Variants in DPP10 observed in about 807,000 individuals in gnomAD.
The protein encoded by DPP10 is inactive dipeptidyl peptidase 10.
DPP10 carries 33 observed loss-of-function variants against 120.9 expected under a neutral mutation model. That is an observed-to-expected ratio of 0.27 (90% CI 0.21 to 0.37). DPP10 has a LOEUF of 0.37. Among genes scored for constraint, DPP10 ranks in the 10% least tolerant of loss-of-function variants. The pLI, the probability that DPP10 is intolerant of heterozygous loss-of-function variation, is 1.00. For missense variants in DPP10, 816 were observed against 942.8 expected, an observed-to-expected ratio of 0.87 and a Z score of 1.76; for synonymous variants, 337 against 326.1, an observed-to-expected ratio of 1.03 and a Z score of -0.36.
intron 1 of DPP10, among the ~76,000 whole-genome samples, chr2:115,110,369 G>C (rs1265297475): frequency 6.6e-6 from 1 of 152,154 alleles, no homozygotes; most frequent in Non-Finnish European, 1.5e-5. Context: ...ATTTTCCCTT[G>C]CCTGTCTTGG....
At chr2:115,657,724 T>G (rs951670433) in intron 5 of DPP10, among the ~76,000 whole-genome samples, 1 of 151,972 alleles carries the variant, frequency 6.6e-6, no homozygotes, top group African/African-American at 2.4e-5. Flanking sequence ...CACGCAATTT[T>G]AAAAATAAAA....
At chr2:115,483,949 T>G (rs1452280642) in intron 3 of DPP10, among the ~76,000 whole-genome samples, 1 of 152,052 alleles carries the variant, frequency 6.6e-6, no homozygotes, top group Non-Finnish European at 1.5e-5. Flanking sequence ...AAAGCACACA[T>G]TTCTCCTGGC....
chr2:115,752,151 C>A (rs372032017), intron 10 of DPP10, among the ~76,000 whole-genome samples: 1 of 152,106 alleles, frequency 6.6e-6, no homozygotes, highest in African/African-American at 2.4e-5. Context: ...TTCCGTGACA[C>A]GTGGATGGCT....
intron 1 of DPP10, among the ~76,000 whole-genome samples, chr2:114,759,284 A>T (rs1180592863): frequency 2.0e-5 from 3 of 152,332 alleles, no homozygotes; most frequent in South Asian, 4.1e-4. Context: ...AGTCTGACTA[A>T]ACAGAGAACA....
intron 1 of DPP10, among the ~76,000 whole-genome samples, chr2:115,007,146 C>T (rs548958152): frequency 6.6e-6 from 1 of 152,208 alleles, no homozygotes; most frequent in East Asian, 1.9e-4. Context: ...TGAAGGCATC[C>T]TTGATGAACA....
intron 5 of DPP10, among the ~76,000 whole-genome samples, chr2:115,573,301 GAGA>G (rs2081448425): frequency 1.9e-5 from 1 of 53,460 alleles, no homozygotes; most frequent in Non-Finnish European, 3.7e-5. Context: ...TTTTTTTTTT[GAGA>G]AGGAGTCTTG....
intron 1 of DPP10, among the ~76,000 whole-genome samples, chr2:115,036,835 G>T (rs1350015904): frequency 6.6e-6 from 1 of 152,090 alleles, no homozygotes; most frequent in Non-Finnish European, 1.5e-5. Context: ...CCAAATTTCT[G>T]CATTAGAATC....
At chr2:115,069,636 A>G (rs984252510) in intron 1 of DPP10, among the ~76,000 whole-genome samples, 3 of 152,086 alleles carry the variant, frequency 2.0e-5, no homozygotes, top group African/African-American at 7.2e-5. Context: ...TTTGTTGGAA[A>G]TACATTAACT....
At chr2:115,292,099 A>G (rs973321153) in intron 1 of DPP10, among the ~76,000 whole-genome samples, 20 of 152,294 alleles carry the variant, frequency 1.3e-4, no homozygotes, top group African/African-American at 4.6e-4. Flanking sequence ...CCATTTAGAT[A>G]ATGCCATGTA....
intron 7 of DPP10, among the ~76,000 whole-genome samples, chr2:115,725,028 G>A (rs1198918620): frequency 2.0e-5 from 3 of 152,110 alleles, no homozygotes; most frequent in African/African-American, 7.2e-5. Context: ...TCCAACACTA[G>A]GGATTACATC....
chr2:115,599,324 T>G (rs2083180286), intron 5 of DPP10, among the ~76,000 whole-genome samples: 1 of 152,120 alleles, frequency 6.6e-6, no homozygotes, highest in Admixed American at 6.6e-5. Flanking sequence ...ACTTTTGACA[T>G]TGTCTCATAG....
intron 1 of DPP10, among the ~76,000 whole-genome samples, chr2:114,473,645 C>T (rs113224017): frequency 6.6e-6 from 1 of 152,024 alleles, no homozygotes; most frequent in African/African-American, 2.4e-5. Context: ...TGTGAACAGT[C>T]CCAGATATTG....
intron 3 of DPP10, among the ~76,000 whole-genome samples, chr2:115,352,967 G>A (rs2064133935): frequency 6.6e-6 from 1 of 151,550 alleles, no homozygotes; most frequent in Non-Finnish European, 1.5e-5. Context: ...ACTTACATAT[G>A]GTAATGATCA....
chr2:115,278,243 A>G (rs1303777431), intron 1 of DPP10, among the ~76,000 whole-genome samples: 1 of 152,162 alleles, frequency 6.6e-6, no homozygotes, highest in Non-Finnish European at 1.5e-5. Flanking sequence ...ATATCTCAAT[A>G]TCATGATTTA....
At chr2:115,245,679 A>G (rs2058501863) in intron 1 of DPP10, among the ~76,000 whole-genome samples, 1 of 152,132 alleles carries the variant, frequency 6.6e-6, no homozygotes, top group Admixed American at 6.6e-5. Flanking sequence ...ACCCTTGCAC[A>G]TGCATGTTTA....
At chr2:114,810,239 G>C (rs12465076) in intron 1 of DPP10, among the ~76,000 whole-genome samples, 12,663 of 152,236 alleles carry the variant, frequency 0.083, 691 homozygotes, top group Non-Finnish European at 0.11. Flanking sequence ...TTTCTAGCTA[G>C]AGTAATAGCT....
intron 1 of DPP10, among the ~76,000 whole-genome samples, chr2:114,663,271 T>TAC (rs1553478924): frequency 0.01 from 1,539 of 147,336 alleles, 24 homozygotes; most frequent in African/African-American, 0.032. Flanking sequence ...TATATATATA[T>TAC]ACACACACAT....
intron 1 of DPP10, among the ~76,000 whole-genome samples, chr2:114,848,264 G>A (rs1262002635): frequency 6.6e-6 from 1 of 152,124 alleles, no homozygotes; most frequent in Non-Finnish European, 1.5e-5. Context: ...GTTGTGCATG[G>A]AAGTGAGATC....
intron 1 of DPP10, among the ~76,000 whole-genome samples, chr2:114,961,033 CTTTTTTTTTTTTTTTTTTTTTTT>C (rs772146022): frequency 1.9e-5 from 1 of 52,028 alleles, no homozygotes; most frequent in South Asian, 8.3e-4. Flanking sequence ...CTCTATACGC[CTTTTTTTTTTTTTTTTTTTTTTT>C]TTTTTTTTTT....
Sources: gnomAD v4.1 joint callset for allele counts (sites outside exome capture counted in the v4.1 genomes callset) on GRCh38, gnomAD v4.1.1 for gene constraint, MANE v1.5 for transcripts, NCBI Gene and HGNC (gene_info 2026-07-23, HGNC 2026-07-21) for gene names.